EYS: variants seen among roughly 807,000 people sequenced by gnomAD.
EYS encodes the protein EGF-like photoreceptor maintenance factor.
EYS carries 250 observed loss-of-function variants against 282.1 expected under a neutral mutation model. The ratio of observed to expected loss-of-function variants is 0.89; its 90% confidence interval spans 0.80 to 0.98. The LOEUF (loss-of-function observed/expected upper bound fraction) is 0.98, where lower values mean the gene tolerates loss of function less well. Ranked by LOEUF, EYS falls within the 50% of genes least tolerant of loss-of-function variation. EYS has a pLI of 0.00. For synonymous variants in EYS, 1,355 were observed against 1,282.9 expected (o/e 1.06, Z -1.20); for missense variants, 4,016 against 3,709.0 (o/e 1.08, Z -2.15).
At chr6:64,653,413 T>G (rs1454706599) in intron 22 of EYS, among the ~76,000 whole-genome samples, 1 of 152,172 alleles carries the variant, frequency 6.6e-6, no homozygotes, top group African/African-American at 2.4e-5. Flanking sequence ...GCAACAAAAT[T>G]TAACAGTGAC....
chr6:64,407,304 G>T (rs1290560239), intron 28 of EYS, among the ~76,000 whole-genome samples: 1 of 152,016 alleles, frequency 6.6e-6, no homozygotes. Context: ...GTCATGGGGT[G>T]GGGGGCTGGG....
intron 16 of EYS, among the ~76,000 whole-genome samples, chr6:64,907,687 A>T (rs878884242): frequency 1.3e-5 from 2 of 152,186 alleles, no homozygotes; most frequent in Non-Finnish European, 2.9e-5. Flanking sequence ...TCTGGCAGAA[A>T]GAGAAGGCCT....
chr6:65,581,923 C>T (rs1285743073), intron 2 of EYS, among the ~76,000 whole-genome samples: 2 of 151,800 alleles, frequency 1.3e-5, no homozygotes, highest in African/African-American at 2.4e-5. Flanking sequence ...GGCATGGTGG[C>T]TCACACCTGT....
intron 22 of EYS, among the ~76,000 whole-genome samples, chr6:64,696,745 A>T (rs915782644): frequency 1.3e-5 from 2 of 152,184 alleles, no homozygotes; most frequent in Non-Finnish European, 2.9e-5. Context: ...TGCCAGAATA[A>T]CCTTCATGAA....
At chr6:64,622,424 C>T (rs1285058469) in intron 23 of EYS, among the ~76,000 whole-genome samples, 1 of 152,182 alleles carries the variant, frequency 6.6e-6, no homozygotes, top group African/African-American at 2.4e-5. Context: ...TTTACAATGT[C>T]TTCTAACCCA....
Position 63,910,820 on chromosome 6 carries a change from A to T in EYS, c.7056-46462T>A, listed in dbSNP as rs533062178. On this transcript the variant is annotated intron_variant, in intron 35 of 42. Transcript: ENST00000503581. Reference sequence around the variant, plus strand: ...AATATTTATATTATTAGCATTTTAAAAGAAGTTTTCCACTATTATTTTCTG... The same window carrying T: ...AATATTTATATTATTAGCATTTTAATAGAAGTTTTCCACTATTATTTTCTG... Among the ~76,000 whole-genome samples, 3 of 152,336 alleles carry T rather than the reference A, an allele frequency of 2.0e-5. No individual in the cohort carries two copies. The South Asian group carries it at 6.2e-4, about 32-fold the overall frequency.
intron 2 of EYS, among the ~76,000 whole-genome samples, chr6:65,566,514 A>G (rs1769286135): frequency 6.6e-6 from 1 of 152,128 alleles, no homozygotes; most frequent in Admixed American, 6.5e-5. Context: ...TGCATCAGTA[A>G]ACTCTCATTT....
chr6:64,205,040 A>G (rs1347166383), intron 31 of EYS, among the ~76,000 whole-genome samples: 1 of 152,176 alleles, frequency 6.6e-6, no homozygotes, highest in Non-Finnish European at 1.5e-5. Context: ...GTGGTAATAC[A>G]GTTATAAGGA....
At chr6:64,970,867 C>A (rs76790774) in intron 14 of EYS, among the ~76,000 whole-genome samples, 1 of 152,074 alleles carries the variant, frequency 6.6e-6, no homozygotes, top group East Asian at 1.9e-4. Flanking sequence ...GACTAAGAAC[C>A]ATTGTGATAA....
chr6:63,813,127 C>T (rs1771091080), intron 36 of EYS, among the ~76,000 whole-genome samples: 2 of 151,920 alleles, frequency 1.3e-5, no homozygotes, highest in African/African-American at 4.8e-5. Context: ...TACAGGCATC[C>T]GCCACCATGC....
chr6:64,197,793 C>A (rs1303572376), intron 31 of EYS, among the ~76,000 whole-genome samples: 2 of 150,466 alleles, frequency 1.3e-5, no homozygotes, highest in African/African-American at 4.9e-5. Context: ...CCATATTTAC[C>A]AGGTATTTCT....
intron 22 of EYS, among the ~76,000 whole-genome samples, chr6:64,775,903 T>C (rs911656971): frequency 3.9e-5 from 6 of 152,122 alleles, no homozygotes; most frequent in African/African-American, 1.2e-4. Context: ...TTTGTTTCTA[T>C]GTAGACTTAT....
chr6:64,243,919 C>A (rs948652623), intron 30 of EYS, among the ~76,000 whole-genome samples: 3 of 152,122 alleles, frequency 2.0e-5, no homozygotes, highest in African/African-American at 7.2e-5. Flanking sequence ...GTTATAAATA[C>A]TGCAGTGAAT....
At chr6:64,012,782 T>TA (rs1204023203) in intron 33 of EYS, among the ~76,000 whole-genome samples, 1 of 152,098 alleles carries the variant, frequency 6.6e-6, no homozygotes, top group Admixed American at 6.6e-5. Flanking sequence ...TTAAACAGTA[T>TA]AAAAAAAGGA....
chr6:65,453,908 T>C (rs562998075), intron 5 of EYS, among the ~76,000 whole-genome samples: 1 of 152,032 alleles, frequency 6.6e-6, no homozygotes, highest in African/African-American at 2.4e-5. Flanking sequence ...AAACACCGTA[T>C]TTTCTTCATC....
At chr6:64,903,835 G>C (rs1330046964) in intron 16 of EYS, among the ~76,000 whole-genome samples, 1 of 152,068 alleles carries the variant, frequency 6.6e-6, no homozygotes, top group Admixed American at 6.6e-5. Flanking sequence ...GCCTCCCGTT[G>C]CAATTTAACA....
chr6:63,928,040 T>C (rs1278276009), intron 35 of EYS, among the ~76,000 whole-genome samples: 1 of 152,220 alleles, frequency 6.6e-6, no homozygotes, highest in Non-Finnish European at 1.5e-5. Flanking sequence ...TCCGATGAGC[T>C]GTGTAATGTT....
intron 2 of EYS, among the ~76,000 whole-genome samples, chr6:65,517,038 T>C (rs1767162414): frequency 6.6e-6 from 1 of 151,978 alleles, no homozygotes; most frequent in Non-Finnish European, 1.5e-5. Flanking sequence ...GCTCTCAATG[T>C]CTATTACATG....
chr6:64,683,154 A>G (rs1769961887), intron 22 of EYS, among the ~76,000 whole-genome samples: 1 of 152,246 alleles, frequency 6.6e-6, no homozygotes, highest in African/African-American at 2.4e-5. Flanking sequence ...TAAAGGCAGA[A>G]TCAACATTCT....
Sources: allele counts gnomAD v4.1 joint callset (sites outside exome capture counted in the v4.1 genomes callset), GRCh38; gene constraint gnomAD v4.1.1; transcripts MANE v1.5; gene names NCBI Gene and HGNC (gene_info 2026-07-23, HGNC 2026-07-21).